The following KDM4C variants were observed in gnomAD, a reference collection of about 807,000 sequenced individuals.
The protein encoded by KDM4C is lysine demethylase 4C, also known as lysine-specific demethylase 4C.
Under a neutral mutation model 129.3 loss-of-function variants are expected in KDM4C, and 81 were observed. The ratio of observed to expected loss-of-function variants is 0.63; its 90% confidence interval spans 0.52 to 0.75. The LOEUF (loss-of-function observed/expected upper bound fraction) is 0.75, where lower values mean the gene tolerates loss of function less well. Among genes scored for constraint, KDM4C ranks in the 30% least tolerant of loss-of-function variants. The pLI, the probability that KDM4C is intolerant of heterozygous loss-of-function variation, is 0.00. For missense variants in KDM4C, 1,457 were observed against 1,304.0 expected, an observed-to-expected ratio of 1.12 and a Z score of -1.81; for synonymous variants, 573 against 456.1, an observed-to-expected ratio of 1.26 and a Z score of -3.26.
At chr9:7,085,533 A>G (rs1328833463) in intron 17 of KDM4C, among the ~76,000 whole-genome samples, 1 of 152,180 alleles carries the variant, frequency 6.6e-6, no homozygotes, top group Non-Finnish European at 1.5e-5. Context: ...TGACCCTGGA[A>G]CAGCTCTGGT....
At chr9:7,153,135 G>C (rs191280904) in intron 19 of KDM4C, among the ~76,000 whole-genome samples, 9 of 152,218 alleles carry the variant, frequency 5.9e-5, no homozygotes, top group Admixed American at 4.6e-4. Context: ...ATGGGGTCTT[G>C]CTATGTTGCC....
At chr9:6,939,959 A>AATCTATCTATCTACCT in intron 8 of KDM4C, among the ~76,000 whole-genome samples, 1 of 112,520 alleles carries the variant, frequency 8.9e-6, no homozygotes, top group South Asian at 3.3e-4. Flanking sequence ...TCCAATAACC[A>AATCTATCTATCTACCT]ACCTACCTAC....
chr9:6,837,255 G>A (rs1016381241), intron 4 of KDM4C, among the ~76,000 whole-genome samples: 2 of 152,002 alleles, frequency 1.3e-5, no homozygotes, highest in Non-Finnish European at 2.9e-5. Context: ...ATGGGGTTTC[G>A]CCATGGTGCC....
chr9:6,873,823 C>A (rs80294608), intron 5 of KDM4C, among the ~76,000 whole-genome samples: 32,568 of 152,044 alleles, frequency 0.21, 4,213 homozygotes, highest in Middle Eastern at 0.38. Context: ...AAAATGCCCT[C>A]CTTACTAAGC....
chr9:6,970,850 C>G (rs1175699073), intron 8 of KDM4C, among the ~76,000 whole-genome samples: 1 of 118,778 alleles, frequency 8.4e-6, no homozygotes, highest in Non-Finnish European at 1.6e-5. Context: ...CTCTTAGGAA[C>G]AACTCATGGA....
At chr9:6,962,931 A>G (rs939774173) in intron 8 of KDM4C, among the ~76,000 whole-genome samples, 3 of 152,206 alleles carry the variant, frequency 2.0e-5, no homozygotes, top group Non-Finnish European at 4.4e-5. Flanking sequence ...AGACCTATAA[A>G]TATTTTACAA....
At position 6,758,427 on chromosome 9, in the gene KDM4C, T is replaced by C. The variant is rs553307509; in HGVS notation, c.-18+224T>C. The stretch of plus-strand genomic sequence containing the variant: ...GATGCGGGGGCCGGTGACAGCCCGC[T>C]CCGGCCCTTACCGAGGTTCGGTACC... On this transcript the variant is annotated intron_variant, in intron 1 of 21. Coordinates refer to ENST00000381309, the MANE Select transcript of KDM4C (RefSeq NM_015061.6). This position sits in a 1 kb window ranked among gnomAD's most constrained non-coding sequence, Gnocchi z 4.6. Among the ~76,000 whole-genome samples the C allele has an allele frequency of 6.6e-6, 1 of 152,138 alleles. No individual in the cohort carries two copies. Among genetic ancestry groups the C allele is most frequent in the Admixed American group, 6.5e-5 (1 of 15,286 alleles).
intron 4 of KDM4C, among the ~76,000 whole-genome samples, chr9:6,816,838 GCTTTT>G (rs1832192248): frequency 7.2e-6 from 1 of 138,612 alleles, no homozygotes; most frequent in African/African-American, 2.7e-5. Context: ...TTTTTGTCAT[GCTTTT>G]CTTTTTCTTT....
At chr9:6,821,430 G>A (rs1485907497) in intron 4 of KDM4C, among the ~76,000 whole-genome samples, 1 of 152,134 alleles carries the variant, frequency 6.6e-6, no homozygotes, top group Non-Finnish European at 1.5e-5. Context: ...GTGTGAGATG[G>A]TATCTCATTG....
chr9:6,958,895 G>C (rs1283074746), intron 8 of KDM4C, among the ~76,000 whole-genome samples: 3 of 152,016 alleles, frequency 2.0e-5, no homozygotes, highest in Non-Finnish European at 4.4e-5. Flanking sequence ...CGATCCACCT[G>C]CCTTGGCCTC....
intron 19 of KDM4C, among the ~76,000 whole-genome samples, chr9:7,160,338 C>G (rs574959320): frequency 7.9e-5 from 12 of 152,320 alleles, no homozygotes; most frequent in African/African-American, 2.9e-4. Flanking sequence ...TCTGTCAACT[C>G]GTCAAAGTCA....
intron 1 of KDM4C, among the ~76,000 whole-genome samples, chr9:6,736,858 C>T (rs548381019): frequency 7.9e-5 from 12 of 152,016 alleles, no homozygotes; most frequent in South Asian, 2.1e-4. Context: ...CAAGACCCGC[C>T]GGGCCACCAT....
chr9:7,150,732 C>G (rs1335510090), intron 19 of KDM4C, among the ~76,000 whole-genome samples: 1 of 152,186 alleles, frequency 6.6e-6, no homozygotes, highest in Non-Finnish European at 1.5e-5. Context: ...AACCCTGTTT[C>G]TAGTTATTGG....
chr9:7,152,374 A>T (rs576504968), intron 19 of KDM4C, among the ~76,000 whole-genome samples: 1 of 152,226 alleles, frequency 6.6e-6, no homozygotes, highest in Non-Finnish European at 1.5e-5. Context: ...TTTAAAAGAT[A>T]ATTAATAGCT....
intron 1 of KDM4C, among the ~76,000 whole-genome samples, chr9:6,735,584 C>G (rs577417729): frequency 6.6e-6 from 1 of 152,320 alleles, no homozygotes; most frequent in African/African-American, 2.4e-5. Flanking sequence ...TTTCCCTGCA[C>G]AAGCCCTCTC....
upstream of KDM4C, among the ~76,000 whole-genome samples, chr9:6,753,930 AGT>A (rs1818158265): frequency 8.0e-6 from 1 of 124,634 alleles, no homozygotes; most frequent in Non-Finnish European, 1.6e-5. Flanking sequence ...GCTGGAGTGC[AGT>A]GGCACGACCT....
intron 4 of KDM4C, among the ~76,000 whole-genome samples, chr9:6,817,763 C>CATT (rs751087578): frequency 3.8e-5 from 4 of 105,094 alleles, no homozygotes; most frequent in African/African-American, 1.5e-4. Flanking sequence ...CAGGAATAAC[C>CATT]TTTTTTTTTT....
At chr9:7,144,102 T>G (rs71505839) in intron 19 of KDM4C, among the ~76,000 whole-genome samples, 2 of 146,662 alleles carry the variant, frequency 1.4e-5, no homozygotes, top group Non-Finnish European at 3.0e-5. Context: ...CCTCTTTTTG[T>G]TTTTTTTTTG....
intron 19 of KDM4C, among the ~76,000 whole-genome samples, chr9:7,136,024 G>A (rs780061427): frequency 5.3e-5 from 8 of 152,172 alleles, no homozygotes; most frequent in Admixed American, 2.6e-4. Flanking sequence ...CAGTAAATTC[G>A]GGGAATGAAG....
Sources: allele counts gnomAD v4.1 joint callset (sites outside exome capture counted in the v4.1 genomes callset), GRCh38; gene constraint gnomAD v4.1.1; non-coding constraint Gnocchi (gnomAD v3.1); transcripts MANE v1.5; gene names NCBI Gene and HGNC (gene_info 2026-07-23, HGNC 2026-07-21).